Variants in CNTNAP2 observed in about 807,000 individuals in gnomAD.
CNTNAP2 encodes contactin associated protein 2.
In CNTNAP2, 98 loss-of-function variants were observed where a neutral mutation model predicts 155.2. The ratio of observed to expected loss-of-function variants is 0.63; its 90% CI spans 0.54 to 0.75. The LOEUF is 0.75. Ranked by LOEUF, CNTNAP2 falls within the 30% of genes least tolerant of loss-of-function variation. CNTNAP2 has a pLI of 0.00. For synonymous variants in CNTNAP2, 651 were observed against 631.2 expected, an observed-to-expected ratio of 1.03 and a Z score of -0.47; for missense variants, 1,727 against 1,688.1, an observed-to-expected ratio of 1.02 and a Z score of -0.40.
chr7:147,634,044 G>A (rs151299464), intron 12 of CNTNAP2, among the ~76,000 whole-genome samples: 3 of 152,280 alleles, frequency 2.0e-5, no homozygotes, highest in African/African-American at 7.2e-5. Flanking sequence ...AAAACAGTAT[G>A]GAGATTCCCT....
intron 1 of CNTNAP2, among the ~76,000 whole-genome samples, chr7:146,710,119 C>T (rs1314531789): frequency 6.6e-6 from 1 of 152,084 alleles, no homozygotes; most frequent in Non-Finnish European, 1.5e-5. Flanking sequence ...AAGTGTGGCT[C>T]ACAATTGGAA....
At position 148,139,627 on chromosome 7, in the gene CNTNAP2, G is replaced by A. The variant is rs113014425; in HGVS notation, c.2555-7864G>A. Among the ~76,000 whole-genome samples, 854 of 152,040 alleles carry A rather than the reference G, an allele frequency of 5.6e-3. 4 individuals are homozygous for A. Among genetic ancestry groups the A allele is most frequent in the Non-Finnish European group, 8.6e-3 (585 of 67,970 alleles). On this transcript the variant is annotated intron_variant, in intron 16 of 23. Coordinates refer to ENST00000361727, the MANE Select transcript of CNTNAP2 (RefSeq NM_014141.6). ...CAACCTCTGGCTCACTGCAACCTCC[G>A]CCTCCTGGGTCAAGTGATTCTCCTG... is the stretch of plus-strand genomic sequence containing the variant.
chr7:147,820,686 G>A (rs1023080934), intron 13 of CNTNAP2, among the ~76,000 whole-genome samples: 58 of 152,114 alleles, frequency 3.8e-4, no homozygotes, highest in African/African-American at 1.4e-3. Flanking sequence ...ATTAATTTGT[G>A]TATCTGGTGT....
intron 2 of CNTNAP2, among the ~76,000 whole-genome samples, chr7:146,793,631 T>G (rs1399545778): frequency 1.3e-5 from 2 of 152,218 alleles, no homozygotes; most frequent in African/African-American, 4.8e-5. Flanking sequence ...CGATAGCTGT[T>G]CCTTGACATT....
intron 13 of CNTNAP2, among the ~76,000 whole-genome samples, chr7:147,725,709 G>C (rs1796629479): frequency 6.6e-6 from 1 of 152,026 alleles, no homozygotes; most frequent in Non-Finnish European, 1.5e-5. Context: ...TTGCTTTTCG[G>C]GTAAAGGTCC....
At chr7:148,166,488 GTTT>G (rs5888308) in intron 17 of CNTNAP2, among the ~76,000 whole-genome samples, 2 of 148,062 alleles carry the variant, frequency 1.4e-5, no homozygotes, top group Non-Finnish European at 3.0e-5. Flanking sequence ...TGAGGACAGT[GTTT>G]TTTTTTTTAT....
At position 147,472,351 on chromosome 7, in the gene CNTNAP2, T is replaced by C. The variant is rs139529891; in HGVS notation, c.1671-13584T>C. On this transcript the variant is annotated intron_variant, in intron 10 of 23. Coordinates refer to ENST00000361727, the MANE Select transcript of CNTNAP2 (RefSeq NM_014141.6). The stretch of plus-strand genomic sequence containing the variant: ...CGTAAGCCTCCTGTGTAGCTGGGAT[T>C]ACAGGCATGCCCCACCACGCCTGGC... Among the ~76,000 whole-genome samples, 121 of 152,022 alleles carry C rather than the reference T, an allele frequency of 8.0e-4. No homozygotes were observed. The East Asian group carries it at 0.019, about 24-fold the overall frequency.
chr7:147,132,630 C>A, intron 8 of CNTNAP2, 121 bp downstream of exon 8: 2 of 1,312,942 alleles, frequency 1.5e-6, no homozygotes, highest in East Asian at 2.4e-5. Context: ...TTCAGATCTT[C>A]AAGACGCTTA....
intron 1 of CNTNAP2, among the ~76,000 whole-genome samples, chr7:146,119,727 C>A (rs570622578): frequency 6.6e-6 from 1 of 152,012 alleles, no homozygotes; most frequent in Admixed American, 6.5e-5. Context: ...AATAAATGAT[C>A]TCTCATAAAG....
chr7:147,935,220 G>C (rs1006445607), intron 14 of CNTNAP2, among the ~76,000 whole-genome samples: 1 of 151,720 alleles, frequency 6.6e-6, no homozygotes, highest in Non-Finnish European at 1.5e-5. Flanking sequence ...TGTGCCTCCC[G>C]GGGTCAAGCG....
intron 1 of CNTNAP2, among the ~76,000 whole-genome samples, chr7:146,281,771 G>C (rs1204022154): frequency 6.6e-6 from 1 of 151,342 alleles, no homozygotes; most frequent in African/African-American, 2.4e-5. Flanking sequence ...CTCCAGCCTG[G>C]CAACCAAGTG....
chr7:147,479,717 A>G (rs1456348148), intron 10 of CNTNAP2, among the ~76,000 whole-genome samples: 1 of 149,040 alleles, frequency 6.7e-6, no homozygotes, highest in Non-Finnish European at 1.5e-5. Context: ...TAATAGATGT[A>G]GACCAAATAT....
chr7:147,008,218 C>T (rs1023317262), intron 3 of CNTNAP2, among the ~76,000 whole-genome samples: 1 of 151,906 alleles, frequency 6.6e-6, no homozygotes, highest in African/African-American at 2.4e-5. Flanking sequence ...TGGTTATAAG[C>T]GTATTGAATG....
intron 8 of CNTNAP2, among the ~76,000 whole-genome samples, chr7:147,177,694 T>C (rs1291124593): frequency 6.6e-6 from 1 of 152,138 alleles, no homozygotes; most frequent in Non-Finnish European, 1.5e-5. Flanking sequence ...TAGGGGAAAC[T>C]GCATAGACTT....
At chr7:147,967,980 C>A (rs1006292614) in intron 14 of CNTNAP2, among the ~76,000 whole-genome samples, 2 of 152,040 alleles carry the variant, frequency 1.3e-5, no homozygotes, top group Admixed American at 6.5e-5. Flanking sequence ...GGGTTTTTTT[C>A]ATCTCTCTCC....
At chr7:147,904,364 TA>T (rs1799923987) in intron 14 of CNTNAP2, among the ~76,000 whole-genome samples, 1 of 152,184 alleles carries the variant, frequency 6.6e-6, no homozygotes, top group African/African-American at 2.4e-5. Flanking sequence ...TCTGTGTCAG[TA>T]ACAGATAAAG....
At position 147,692,393 on chromosome 7, in the gene CNTNAP2, A is replaced by T. The variant is rs115104314; in HGVS notation, c.2098+53087A>T. 6.7e-3 allele frequency among the ~76,000 whole-genome samples: 1,024 copies of T among 152,196 alleles called. 12 individuals carry two copies. Among genetic ancestry groups the T allele is most frequent in the African/African-American group, 0.023 (965 of 41,548 alleles). ...CCAAACAACACTATTGCTGTATCCT[A>T]TGGCAAGAGGAAGTACAGGTTTGTA... is the stretch of plus-strand genomic sequence containing the variant. On this transcript the variant is annotated intron_variant, in intron 13 of 23. Transcript: ENST00000361727.
At chr7:147,858,132 G>A (rs1799071826) in intron 13 of CNTNAP2, among the ~76,000 whole-genome samples, 1 of 152,196 alleles carries the variant, frequency 6.6e-6, no homozygotes, top group Non-Finnish European at 1.5e-5. Context: ...CTGTTGCCCA[G>A]GCTAGAGTGC....
rs537435960 is a variant in CNTNAP2, at chr7:147,355,370, C to A, written c.1499-40239C>A. On this transcript the variant is annotated intron_variant, in intron 9 of 23. Coordinates refer to ENST00000361727, the MANE Select transcript of CNTNAP2 (RefSeq NM_014141.6). Reference sequence around the variant, plus strand: ...ATCTAGAATCGGTATCCTAACGTTACAATTTAAGGAACTAGAGAAGCAAGA... The same window carrying A: ...ATCTAGAATCGGTATCCTAACGTTAAAATTTAAGGAACTAGAGAAGCAAGA... Among the ~76,000 whole-genome samples the A allele has an allele frequency of 5.9e-5, 9 of 152,044 alleles. No homozygotes were observed. In the East Asian group the frequency reaches 1.7e-3, roughly 29 times the overall value.
Sources: gnomAD v4.1 joint callset for allele counts (sites outside exome capture counted in the v4.1 genomes callset) on GRCh38, gnomAD v4.1.1 for gene constraint, MANE v1.5 for transcripts, NCBI Gene and HGNC (gene_info 2026-07-23, HGNC 2026-07-21) for gene names.